Variants in PPP6R3 observed in about 807,000 individuals in gnomAD.
The protein encoded by PPP6R3 is protein phosphatase 6 regulatory subunit 3, also known as serine/threonine-protein phosphatase 6 regulatory subunit 3.
In PPP6R3, 38 loss-of-function variants were observed where a neutral mutation model predicts 110.7. The observed-to-expected ratio is 0.34, with a 90% CI of 0.26 to 0.45. PPP6R3 has a LOEUF of 0.45. Ranked by LOEUF, PPP6R3 falls within the 20% of genes least tolerant of loss-of-function variation. The probability of loss-of-function intolerance (pLI) is 1.00; values close to 1 mark genes in which losing one functional copy is unlikely to be tolerated. For synonymous variants in PPP6R3, 369 were observed against 373.5 expected (o/e 0.99, Z 0.14); for missense variants, 870 against 1,062.4 (o/e 0.82, Z 2.52).
chr11:68,553,964 T>G (rs903093541), intron 6 of PPP6R3, among the ~76,000 whole-genome samples, 181 bp from the exon 7 acceptor site: 4 of 152,218 alleles, frequency 2.6e-5, no homozygotes, highest in Non-Finnish European at 5.9e-5. Context: ...ATTATAAAGC[T>G]CATTCACCTG....
chr11:68,530,642 T>C lies in PPP6R3; in HGVS notation c.-6-7017T>C, dbSNP rs1169864291. Among the ~76,000 whole-genome samples, 3 of 152,344 alleles carry C rather than the reference T, an allele frequency of 2.0e-5. No homozygotes were observed. In the East Asian group the frequency reaches 5.8e-4, roughly 29 times the overall value. ...AAAGGTATAGACAGAGCTGGTTTGATGGGTGTGTGACCTGTGCAGTCTCGC... is the reference window on the plus strand; with the variant it reads ...AAAGGTATAGACAGAGCTGGTTTGACGGGTGTGTGACCTGTGCAGTCTCGC... On this transcript the variant is annotated intron_variant, in intron 2 of 23. Transcript: ENST00000393800.
rs1555132284 is a variant in PPP6R3, at chr11:68,542,389, G to GTTTTTTTTTTTGT, written c.228-2438_228-2437insGTTTTTTTTTTTT. Among the ~76,000 whole-genome samples, 4 of 40,206 alleles carry GTTTTTTTTTTTGT rather than the reference G, an allele frequency of 9.9e-5. 1 individual carries two copies. Among genetic ancestry groups the GTTTTTTTTTTTGT allele is most frequent in the East Asian group, 1.0e-3 (1 of 986 alleles). 26.4% of individuals were successfully genotyped at this position (40,206 alleles called of 152,430 possible). A position where few individuals can be genotyped will look rare whatever the true frequency, so the allele number is the denominator to read the frequency against. On this transcript the variant is annotated intron_variant, in intron 3 of 23. Transcript: ENST00000393800. ...ATCTTTGGGTGCTTGAGAAGCTGCT[G>GTTTTTTTTTTTGT]TTTTTTTTTTTTTTTTTTTTTTAAG...
chr11:68,557,507 CTTTTTCTTT>C (rs1032324005), intron 7 of PPP6R3, among the ~76,000 whole-genome samples: 2 of 149,622 alleles, frequency 1.3e-5, no homozygotes, highest in East Asian at 1.9e-4. Flanking sequence ...TTTTTCTTTT[CTTTTTCTTT>C]TTTTTCTTTT....
At chr11:68,478,001 G>GT (rs1324961184) in intron 1 of PPP6R3, among the ~76,000 whole-genome samples, 2 of 149,710 alleles carry the variant, frequency 1.3e-5, no homozygotes, top group African/African-American at 4.9e-5. Flanking sequence ...CCAGGCTGGA[G>GT]TGCAGTGGCG....
At chr11:68,492,425 A>T (rs576671220) in intron 1 of PPP6R3, among the ~76,000 whole-genome samples, 1 of 152,340 alleles carries the variant, frequency 6.6e-6, no homozygotes, top group African/African-American at 2.4e-5. Context: ...CTGGGATTTC[A>T]GGCGTAAGCC....
intron 23 of PPP6R3, among the ~76,000 whole-genome samples, chr11:68,611,576 C>T (rs1290499547): frequency 6.6e-6 from 1 of 152,084 alleles, no homozygotes; most frequent in Non-Finnish European, 1.5e-5. Context: ...GTCCTTCTTT[C>T]CTCTGACACA....
intron 19 of PPP6R3, among the ~76,000 whole-genome samples, chr11:68,598,900 G>T (rs1398507594): frequency 6.6e-6 from 1 of 152,152 alleles, no homozygotes; most frequent in African/African-American, 2.4e-5. Flanking sequence ...TGTCAGTGGA[G>T]CCCTGTGACA....
chr11:68,603,291 C>G, intron 21 of PPP6R3, 51 bp from the exon 22 acceptor site: 1 of 1,604,460 alleles, frequency 6.2e-7, no homozygotes, highest in Non-Finnish European at 8.5e-7. Context: ...GGTGGGGTGC[C>G]AGTTCCTTTT....
At chr11:68,470,796 A>G (rs553330465) in intron 1 of PPP6R3, among the ~76,000 whole-genome samples, 9 of 152,248 alleles carry the variant, frequency 5.9e-5, no homozygotes, top group African/African-American at 1.9e-4. Flanking sequence ...GGATGATACC[A>G]GGGATTTTTG....
intron 2 of PPP6R3, among the ~76,000 whole-genome samples, chr11:68,527,104 A>G (rs1414117607): frequency 2.6e-4 from 40 of 152,248 alleles, no homozygotes; most frequent in Admixed American, 2.6e-3. Context: ...AAAGGCAAGT[A>G]TAAATTTGTA....
In PPP6R3 at chr11:68,614,255, T is replaced by C; in HGVS notation, c.*1138T>C. On this transcript the variant is annotated 3_prime_UTR_variant, in exon 24 of 24. Coordinates refer to ENST00000393800, the MANE Select transcript of PPP6R3 (RefSeq NM_001164161.2). ...AGAACTGGTTTGTGTATATATATAG[T>C]GATTATGGATACTAATTCAATGTAA... 1 of 1,022,520 alleles carries C rather than the reference T, an allele frequency of 9.8e-7. No individual in the cohort carries two copies. Among genetic ancestry groups the C allele is most frequent in the Non-Finnish European group, 1.2e-6 (1 of 852,780 alleles). The allele number at this position is 1,022,520 out of a possible 1,614,324, so 63.3% of individuals were successfully genotyped here.
intron 15 of PPP6R3, among the ~76,000 whole-genome samples, chr11:68,585,281 C>T (rs141303991): frequency 6.8e-4 from 103 of 152,316 alleles, no homozygotes; most frequent in African/African-American, 2.3e-3. Flanking sequence ...GACTGACTGC[C>T]GCATATGGGC....
intron 2 of PPP6R3, among the ~76,000 whole-genome samples, chr11:68,532,107 T>C (rs1321984567): frequency 6.6e-6 from 1 of 152,194 alleles, no homozygotes; most frequent in African/African-American, 2.4e-5. Flanking sequence ...AGAGACAGGG[T>C]GGCACCTTTT....
At chr11:68,574,404 TATTTATGTTC>T (rs926254638) in intron 13 of PPP6R3, among the ~76,000 whole-genome samples, 180 bp downstream of exon 13, 41 of 152,238 alleles carry the variant, frequency 2.7e-4, no homozygotes, top group African/African-American at 9.9e-4. Flanking sequence ...TTTTTGGTTG[TATTTATGTTC>T]ATGTAGTTAC....
At chr11:68,591,409 T>A (rs1427124808) in intron 17 of PPP6R3, among the ~76,000 whole-genome samples, 167 bp from the exon 18 acceptor site, 1 of 152,220 alleles carries the variant, frequency 6.6e-6, no homozygotes, top group Non-Finnish European at 1.5e-5. Context: ...GAATTCTTGT[T>A]ACGGACACAG....
intron 1 of PPP6R3, among the ~76,000 whole-genome samples, chr11:68,512,478 C>T (rs1296149208): frequency 6.6e-6 from 1 of 152,144 alleles, no homozygotes; most frequent in African/African-American, 2.4e-5. Context: ...GATTAAAATC[C>T]TGAGTGTTGA....
intron 1 of PPP6R3, among the ~76,000 whole-genome samples, chr11:68,494,694 G>T (rs187553023): frequency 6.6e-6 from 1 of 152,046 alleles, no homozygotes; most frequent in Non-Finnish European, 1.5e-5. Context: ...ACTAGGTATT[G>T]TATAAGCTTA....
At chr11:68,547,154 A>G (rs1403886851) in intron 4 of PPP6R3, among the ~76,000 whole-genome samples, 1 of 152,124 alleles carries the variant, frequency 6.6e-6, no homozygotes, top group East Asian at 1.9e-4. Flanking sequence ...CCAATTTTAA[A>G]TCCCAGGCAG....
Position 68,605,884 on chromosome 11 carries a change from C to G in PPP6R3, c.2450+2392C>G, listed in dbSNP as rs78300585. ...ATGCTATTTCGTGCTCACCAGTCTACTAATTCCTATCTTAAGTTGTTAGAG... is the reference window on the plus strand; with the variant it reads ...ATGCTATTTCGTGCTCACCAGTCTAGTAATTCCTATCTTAAGTTGTTAGAG... On this transcript the variant is annotated intron_variant, in intron 22 of 23. Transcript: ENST00000393800. Among the ~76,000 whole-genome samples the G allele has an allele frequency of 2.3e-4, 35 of 152,308 alleles. 2 individuals are homozygous for G. In the East Asian group the frequency reaches 6.6e-3, roughly 29 times the overall value.
Sources: allele counts gnomAD v4.1 joint callset (sites outside exome capture counted in the v4.1 genomes callset), GRCh38; gene constraint gnomAD v4.1.1; transcripts MANE v1.5; gene names NCBI Gene and HGNC (gene_info 2026-07-23, HGNC 2026-07-21).